Variants in ESR1 observed in about 807,000 individuals in gnomAD.
The protein encoded by ESR1 is estrogen receptor.
Under a neutral mutation model 52.7 loss-of-function variants are expected in ESR1, and 12 were observed. The observed-to-expected ratio is 0.23, with a 90% CI of 0.15 to 0.37. The LOEUF is 0.37. ESR1 is among the 10% of genes least tolerant of loss of function. The probability of loss-of-function intolerance (pLI) is 1.00; values close to 1 mark genes in which losing one functional copy is unlikely to be tolerated. For synonymous variants in ESR1, 305 were observed against 316.8 expected (o/e 0.96, Z 0.39); for missense variants, 584 against 779.7 (o/e 0.75, Z 2.99).
intron 1 of ESR1, among the ~76,000 whole-genome samples, chr6:151,669,742 A>G (rs1263612615): frequency 6.6e-6 from 1 of 152,190 alleles, no homozygotes; most frequent in Non-Finnish European, 1.5e-5. Context: ...CGTAATAAAC[A>G]GTCTATGTGT....
At chr6:151,694,902 G>A (rs561594483) in intron 1 of ESR1, among the ~76,000 whole-genome samples, 1 of 152,298 alleles carries the variant, frequency 6.6e-6, no homozygotes, top group South Asian at 2.1e-4. Context: ...GTAGTGCTAT[G>A]AGATAGATAT....
chr6:151,859,577 C>G (rs574192842), intron 2 of ESR1, among the ~76,000 whole-genome samples: 11 of 152,326 alleles, frequency 7.2e-5, no homozygotes, highest in African/African-American at 2.2e-4. Context: ...CTTACCGCCA[C>G]TCTTCTCCAT....
chr6:151,989,042 A>G (rs912036749), intron 4 of ESR1, among the ~76,000 whole-genome samples: 3 of 152,118 alleles, frequency 2.0e-5, no homozygotes, highest in African/African-American at 7.2e-5. Context: ...CTTCCGCTCC[A>G]CAAAAATTCA....
At chr6:152,040,145 C>T (rs6557189) in intron 5 of ESR1, among the ~76,000 whole-genome samples, 33,800 of 152,102 alleles carry the variant, frequency 0.22, 5,486 homozygotes, top group African/African-American at 0.45. Context: ...GGTGCCATAT[C>T]GCGGCCTCAG....
intron 6 of ESR1, chr6:152,122,634 C>G: frequency 6.2e-7 from 1 of 1,614,088 alleles, no homozygotes; most frequent in Non-Finnish European, 8.5e-7. Context: ...ACCGACCTGG[C>G]CCTGGCTCAG....
downstream of ESR1, among the ~76,000 whole-genome samples, chr6:152,105,598 A>AG (rs1562793705): frequency 1.2e-4 from 18 of 148,196 alleles, no homozygotes; most frequent in Non-Finnish European, 2.5e-4. Flanking sequence ...GTTAATTTTT[A>AG]TATTTTTAGT....
rs564001081 is a variant in ESR1 at position 151,757,054 on chromosome 6, A to G, written c.-70-50789A>G. Among the ~76,000 whole-genome samples, 5 of 152,254 alleles carry G rather than the reference A, an allele frequency of 3.3e-5. No homozygotes were observed. In the East Asian group the frequency reaches 9.7e-4, roughly 29 times the overall value. ...TGATCTCACAGGATATCATTTCTTG[A>G]TTGGAGGAGGAGAGAAAAATGTGTA... On this transcript the variant is annotated intron_variant, in intron 2 of 2. Coordinates refer to the ESR1 transcript ENST00000404742.
chr6:151,959,538 G>A (rs534846687), intron 4 of ESR1, among the ~76,000 whole-genome samples: 1 of 152,228 alleles, frequency 6.6e-6, no homozygotes, highest in South Asian at 2.1e-4. Context: ...ACGCTGTGCA[G>A]TGGGAGGCTC....
chr6:151,941,580 G>A (rs763256693), intron 3 of ESR1, among the ~76,000 whole-genome samples: 1 of 151,062 alleles, frequency 6.6e-6, no homozygotes, highest in African/African-American at 2.4e-5. Context: ...AATAGAAGAT[G>A]GTAGAGTCAT....
At chr6:151,970,845 C>T (rs2038835454) in intron 4 of ESR1, among the ~76,000 whole-genome samples, 1 of 152,152 alleles carries the variant, frequency 6.6e-6, no homozygotes, top group African/African-American at 2.4e-5. Flanking sequence ...TCAGAGTGCC[C>T]ATTTCTGTGT....
intron 1 of ESR1, among the ~76,000 whole-genome samples, chr6:151,838,030 C>T (rs115422772): frequency 0.013 from 1,928 of 152,166 alleles, 35 homozygotes; most frequent in African/African-American, 0.044. Context: ...GACAGGCTCT[C>T]ACTCTGTCTC....
intron 3 of ESR1, among the ~76,000 whole-genome samples, chr6:151,882,211 T>G (rs1793061350): frequency 6.6e-6 from 1 of 152,146 alleles, no homozygotes; most frequent in Non-Finnish European, 1.5e-5. Context: ...GTTAACAAGC[T>G]TACAGTGACA....
intron 2 of ESR1, among the ~76,000 whole-genome samples, chr6:151,710,210 T>C (rs1251987307): frequency 1.3e-5 from 2 of 151,958 alleles, no homozygotes; most frequent in Non-Finnish European, 2.9e-5. Context: ...TCTTTTAACA[T>C]TTGGCAAGTT....
chr6:151,660,018 C>A (rs1334061952), intron 1 of ESR1, among the ~76,000 whole-genome samples: 9 of 152,124 alleles, frequency 5.9e-5, no homozygotes, highest in Admixed American at 5.9e-4. Flanking sequence ...CATTTTATGT[C>A]CACCTTAAAA....
chr6:152,050,580 C>T (rs2046602543), intron 5 of ESR1, among the ~76,000 whole-genome samples: 1 of 152,108 alleles, frequency 6.6e-6, no homozygotes, highest in South Asian at 2.1e-4. Flanking sequence ...TTTGCCTTGA[C>T]CCATAGCTTA....
At chr6:152,057,039 A>ATT (rs1235636763) in intron 5 of ESR1, among the ~76,000 whole-genome samples, 20 of 152,234 alleles carry the variant, frequency 1.3e-4, no homozygotes, top group Non-Finnish European at 2.6e-4. Context: ...CTCTAGTCTG[A>ATT]TTTGCCCCTT....
In ESR1 at chr6:152,094,333, A is replaced by C; in HGVS notation, c.1370-52A>C. On this transcript the variant is annotated intron_variant, in intron 6 of 7. Transcript: ENST00000206249. The surrounding 1 kb of genome is among the most constrained non-coding windows in gnomAD (Gnocchi z 4.6). ...ATCCCATGAACACTCTGGGTCTCCTAGACCTCATCCTCTTTGAGCTTCTCT... is the reference window on the plus strand; with the variant it reads ...ATCCCATGAACACTCTGGGTCTCCTCGACCTCATCCTCTTTGAGCTTCTCT... 1 of 1,527,886 alleles carries C rather than the reference A, an allele frequency of 6.5e-7. No homozygotes were observed. Among genetic ancestry groups the C allele is most frequent in the Non-Finnish European group, 9.1e-7 (1 of 1,101,890 alleles). 94.6% of individuals were successfully genotyped at this position (1,527,886 alleles called of 1,614,324 possible). A position where few individuals can be genotyped will look rare whatever the true frequency, so the allele number is the denominator to read the frequency against.
At chr6:151,844,667 T>C (rs905130212) in intron 2 of ESR1, among the ~76,000 whole-genome samples, 1 of 152,214 alleles carries the variant, frequency 6.6e-6, no homozygotes. Flanking sequence ...CCGTGGCCGA[T>C]CCCTGATTTA....
At chr6:151,713,407 G>A (rs1041567878) in intron 2 of ESR1, among the ~76,000 whole-genome samples, 8 of 152,302 alleles carry the variant, frequency 5.3e-5, no homozygotes, top group African/African-American at 1.7e-4. Flanking sequence ...AATTTCAGAA[G>A]GAATGGTACC....
Sources: gnomAD v4.1 joint callset for allele counts (sites outside exome capture counted in the v4.1 genomes callset) on GRCh38, gnomAD v4.1.1 for gene constraint, Gnocchi (gnomAD v3.1) non-coding constraint, MANE v1.5 for transcripts, NCBI Gene and HGNC (gene_info 2026-07-23, HGNC 2026-07-21) for gene names.